The following CHIC2 variants were observed in gnomAD, a reference collection of about 807,000 sequenced individuals.
CHIC2 encodes cysteine-rich hydrophobic domain-containing protein 2.
Under a neutral mutation model 25.9 loss-of-function variants are expected in CHIC2, and 14 were observed. The ratio of observed to expected loss-of-function variants is 0.54; its 90% CI spans 0.36 to 0.85. CHIC2 has a LOEUF of 0.85. Ranked by LOEUF, CHIC2 falls within the 40% of genes least tolerant of loss-of-function variation. The pLI is 0.01. For synonymous variants in CHIC2, 70 were observed against 72.0 expected, an observed-to-expected ratio of 0.97 and a Z score of 0.14; for missense variants, 146 against 202.0, an observed-to-expected ratio of 0.72 and a Z score of 1.68.
At chr4:54,034,987 T>C (rs998336429) in intron 3 of CHIC2, among the ~76,000 whole-genome samples, 2 of 152,192 alleles carry the variant, frequency 1.3e-5, no homozygotes, top group African/African-American at 2.4e-5. Context: ...ACTTTAGAGA[T>C]TGTTGTGTGG....
intron 3 of CHIC2, among the ~76,000 whole-genome samples, chr4:54,017,745 G>C (rs1031060970): frequency 1.3e-5 from 2 of 152,100 alleles, no homozygotes; most frequent in African/African-American, 2.4e-5. Context: ...AACCTGGTCT[G>C]GAAGTAGACA....
intron 3 of CHIC2, among the ~76,000 whole-genome samples, chr4:54,035,411 C>T (rs901393308): frequency 2.6e-5 from 4 of 152,160 alleles, no homozygotes; most frequent in Admixed American, 6.5e-5. Context: ...ATTCAATTTA[C>T]TTAATTGATA....
the CHIC2 span, chr4:54,086,859 C>A: frequency 3.6e-6 from 2 of 553,430 alleles, no homozygotes; most frequent in South Asian, 1.8e-5. Flanking sequence ...CTATAAGAGT[C>A]CTTTTGGGAA....
chr4:54,081,437 A>C, the CHIC2 span, among the ~76,000 whole-genome samples: 1 of 151,898 alleles, frequency 6.6e-6, no homozygotes, highest in Non-Finnish European at 1.5e-5. Context: ...AATGATACTT[A>C]TTATCGCTAT....
chr4:54,011,472 A>C (rs893756384), intron 5 of CHIC2, among the ~76,000 whole-genome samples: 2 of 152,174 alleles, frequency 1.3e-5, no homozygotes, highest in Admixed American at 6.6e-5. Flanking sequence ...AAATAAAAGC[A>C]TTGAACTAGA....
the CHIC2 span, among the ~76,000 whole-genome samples, chr4:54,071,259 GTGTCA>G: frequency 2.0e-5 from 3 of 152,196 alleles, no homozygotes; most frequent in Non-Finnish European, 4.4e-5. Flanking sequence ...TTTCCTTTGA[GTGTCA>G]TGTCAGCACT....
intron 1 of CHIC2, chr4:54,060,553 A>G (rs921439107): frequency 6.6e-6 from 1 of 152,158 alleles, no homozygotes; most frequent in Admixed American, 6.6e-5. Context: ...GGGAGCAAAT[A>G]ATGTCTGTTA....
At chr4:54,018,240 T>C (rs566613540) in intron 3 of CHIC2, among the ~76,000 whole-genome samples, 1 of 152,128 alleles carries the variant, frequency 6.6e-6, no homozygotes, top group Non-Finnish European at 1.5e-5. Context: ...AGTAAGCTTA[T>C]AACAGCAAAG....
the CHIC2 span, among the ~76,000 whole-genome samples, chr4:54,073,645 C>G: frequency 2.0e-3 from 312 of 152,236 alleles, no homozygotes; most frequent in Admixed American, 3.3e-3. Flanking sequence ...ACCACCCAGC[C>G]ATTCACCAAT....
chr4:54,041,871 C>CT (rs2110078949), intron 3 of CHIC2, among the ~76,000 whole-genome samples: 1 of 151,930 alleles, frequency 6.6e-6, no homozygotes, highest in African/African-American at 2.4e-5. Context: ...GGGTTGGGGG[C>CT]TAGGGGAGGG....
chr4:54,052,793 C>G (rs1717041338), intron 1 of CHIC2, among the ~76,000 whole-genome samples: 1 of 152,174 alleles, frequency 6.6e-6, no homozygotes. Context: ...ACAACCATTT[C>G]AGATTAATTT....
At chr4:54,059,001 T>C (rs1717255977) in intron 1 of CHIC2, among the ~76,000 whole-genome samples, 1 of 152,156 alleles carries the variant, frequency 6.6e-6, no homozygotes, top group Admixed American at 6.5e-5. Context: ...ACTGAACTCT[T>C]TGGACCAAAT....
intron 3 of CHIC2, among the ~76,000 whole-genome samples, chr4:54,035,233 C>T (rs1716348660): frequency 6.6e-6 from 1 of 152,102 alleles, no homozygotes; most frequent in African/African-American, 2.4e-5. Flanking sequence ...GTTTTGGCCT[C>T]AGGGTAACGA....
chr4:54,021,885 C>G (rs573649515), intron 3 of CHIC2, among the ~76,000 whole-genome samples: 1 of 152,206 alleles, frequency 6.6e-6, no homozygotes, highest in African/African-American at 2.4e-5. Context: ...CACAAGAGGA[C>G]TTAATTAACC....
At chr4:54,087,078 CCT>C in the CHIC2 span, 1 of 1,084,270 alleles carries the variant, frequency 9.2e-7, no homozygotes, top group Non-Finnish European at 1.4e-6. Flanking sequence ...TCTTGAACCA[CCT>C]CTCTCAGGAA....
intron 3 of CHIC2, among the ~76,000 whole-genome samples, chr4:54,025,466 G>A (rs1490980813): frequency 3.9e-5 from 6 of 152,032 alleles, no homozygotes; most frequent in Admixed American, 6.6e-5. Flanking sequence ...GACTCAGCCC[G>A]CCTGCACCCA....
chr4:54,041,090 A>G (rs1187435707), intron 3 of CHIC2, among the ~76,000 whole-genome samples: 2 of 150,490 alleles, frequency 1.3e-5, no homozygotes, highest in African/African-American at 4.9e-5. Context: ...TAATTTTTAT[A>G]TTTTTAGTAG....
chr4:54,020,384 T>C (rs925782979), intron 3 of CHIC2, among the ~76,000 whole-genome samples: 8 of 152,204 alleles, frequency 5.3e-5, no homozygotes, highest in Admixed American at 4.6e-4. Flanking sequence ...TAAGAACTAA[T>C]GATAATCCCA....
At chr4:54,069,050 T>C (rs1717569327), upstream of CHIC2, among the ~76,000 whole-genome samples, 2 of 152,108 alleles carry the variant, frequency 1.3e-5, no homozygotes, top group Admixed American at 6.5e-5. Flanking sequence ...TGCAGTCCAA[T>C]AGTTATTTAT....
Sources: gnomAD v4.1 joint callset for allele counts (sites outside exome capture counted in the v4.1 genomes callset) on GRCh38, gnomAD v4.1.1 for gene constraint, MANE v1.5 for transcripts, NCBI Gene and HGNC (gene_info 2026-07-23, HGNC 2026-07-21) for gene names.